Variants in DOCK11 observed in about 807,000 individuals in gnomAD.
DOCK11 encodes the protein dedicator of cytokinesis protein 11.
DOCK11 carries 70 observed loss-of-function variants against 169.1 expected under a neutral mutation model. The ratio of observed to expected loss-of-function variants is 0.41; its 90% confidence interval spans 0.34 to 0.51. The LOEUF is 0.51. DOCK11 is among the 20% of genes least tolerant of loss of function. DOCK11 has a pLI of 0.10. For synonymous variants in DOCK11, 529 were observed against 541.3 expected, an observed-to-expected ratio of 0.98 and a Z score of 0.32; for missense variants, 1,166 against 1,538.8, an observed-to-expected ratio of 0.76 and a Z score of 4.05.
intron 44 of DOCK11, among the ~76,000 whole-genome samples, chrX:118,658,506 C>T (rs940491889): frequency 8.9e-6 from 1 of 111,844 alleles, no homozygotes; most frequent in African/African-American, 3.2e-5. Flanking sequence ...TTTCCAGATC[C>T]TTTTCTTCAC....
chrX:118,543,500 T>C lies in DOCK11; in HGVS notation c.310-11T>C, dbSNP rs375269467. On this transcript the variant is annotated splice_polypyrimidine_tract_variant and intron_variant, in intron 3 of 52. Coordinates refer to ENST00000276202, the MANE Select transcript of DOCK11 (RefSeq NM_144658.4). ...CTATATTTCAAATTCAAGATTCCTA[T>C]TTTCTTTCAGTGTATTAAAACCTAT... is the stretch of plus-strand genomic sequence containing the variant. The C allele has an allele frequency of 1.5e-4, 171 of 1,176,077 alleles. No homozygotes were observed. The highest frequency in any genetic ancestry group is 1.3e-4 in the South Asian group (7 of 55,742).
intron 48 of DOCK11, among the ~76,000 whole-genome samples, 177 bp from the exon 49 acceptor site, chrX:118,680,301 GAAGT>G (rs2016712265): frequency 9.0e-6 from 1 of 110,904 alleles, no homozygotes; most frequent in Non-Finnish European, 1.9e-5. Flanking sequence ...TTTATAATCA[GAAGT>G]AAGTGATTTT....
chrX:118,540,402 G>C (rs1458618091), intron 1 of DOCK11, among the ~76,000 whole-genome samples: 1 of 111,498 alleles, frequency 9.0e-6, no homozygotes, highest in African/African-American at 3.3e-5. Context: ...TGGAAACACG[G>C]TAGATATGGC....
intron 16 of DOCK11, among the ~76,000 whole-genome samples, chrX:118,587,758 G>A (rs973162598): frequency 7.1e-5 from 8 of 112,077 alleles, no homozygotes; most frequent in Non-Finnish European, 1.3e-4. Flanking sequence ...TAAATTTACC[G>A]TTATTTCCCT....
At chrX:118,564,376 G>A (rs1030548346) in intron 7 of DOCK11, among the ~76,000 whole-genome samples, 6 of 112,664 alleles carry the variant, frequency 5.3e-5, no homozygotes, top group Non-Finnish European at 1.1e-4. Flanking sequence ...ACCATGCAGT[G>A]GAAAATTATT....
chrX:118,505,704 T>C (rs775535655), intron 1 of DOCK11, among the ~76,000 whole-genome samples: 1 of 112,007 alleles, frequency 8.9e-6, no homozygotes, highest in African/African-American at 3.2e-5. Context: ...GGGTTCTGGG[T>C]TTTTGGCATT....
chrX:118,541,159 G>A (rs1339355790), intron 1 of DOCK11, among the ~76,000 whole-genome samples: 1 of 111,641 alleles, frequency 9.0e-6, no homozygotes, highest in Non-Finnish European at 1.9e-5. Context: ...GTTCAATGAA[G>A]GAAAAAAAAT....
chrX:118,643,321 C>T, intron 39 of DOCK11, 136 bp from the exon 40 acceptor site: 1 of 629,454 alleles, frequency 1.6e-6, no homozygotes, highest in South Asian at 3.3e-5. Flanking sequence ...AAAGATGGCA[C>T]AAATATTTTG....
At chrX:118,523,627 A>C (rs775800408) in intron 1 of DOCK11, among the ~76,000 whole-genome samples, 10 of 112,278 alleles carry the variant, frequency 8.9e-5, no homozygotes, top group African/African-American at 3.2e-4. Flanking sequence ...GATAGTCCTG[A>C]AATTTGGACT....
chrX:118,514,672 C>T (rs1212264145), intron 1 of DOCK11, among the ~76,000 whole-genome samples: 2 of 112,076 alleles, frequency 1.8e-5, no homozygotes, highest in East Asian at 2.8e-4. Flanking sequence ...TGAACCATCA[C>T]ACTTTTTCAA....
intron 1 of DOCK11, among the ~76,000 whole-genome samples, chrX:118,509,964 A>G (rs2057639381): frequency 9.0e-6 from 1 of 111,330 alleles, no homozygotes; most frequent in African/African-American, 3.3e-5. Context: ...CTGTCATTAT[A>G]TCTCCTTCTC....
At chrX:118,588,056 A>T (rs903878066) in intron 16 of DOCK11, 81 bp from the exon 17 acceptor site, 10 of 843,121 alleles carry the variant, frequency 1.2e-5, no homozygotes, top group Non-Finnish European at 1.6e-5. Flanking sequence ...AATGCAATTC[A>T]TGTATATTTT....
At chrX:118,512,139 C>G (rs1430780688) in intron 1 of DOCK11, among the ~76,000 whole-genome samples, 1 of 111,788 alleles carries the variant, frequency 8.9e-6, no homozygotes, top group Admixed American at 9.5e-5. Context: ...TGAGCTCAGA[C>G]AATCTGCCTG....
At chrX:118,503,202 GAT>G (rs2057588329) in intron 1 of DOCK11, among the ~76,000 whole-genome samples, 2 of 108,272 alleles carry the variant, frequency 1.8e-5, no homozygotes, top group African/African-American at 6.8e-5. Context: ...TGGGATTACA[GAT>G]GCGTGCCACC....
At chrX:118,606,328 C>T (rs1255168272) in intron 24 of DOCK11, among the ~76,000 whole-genome samples, 1 of 111,589 alleles carries the variant, frequency 9.0e-6, no homozygotes, top group Non-Finnish European at 1.9e-5. Flanking sequence ...CTCGGCCTCC[C>T]AGTGCTGGGA....
intron 41 of DOCK11, among the ~76,000 whole-genome samples, chrX:118,651,459 A>G (rs1379388180): frequency 9.0e-6 from 1 of 111,451 alleles, no homozygotes; most frequent in African/African-American, 3.3e-5. Flanking sequence ...AAGAAGTACC[A>G]TCAAAGTCCA....
At position 118,566,177 on chromosome X, in the gene DOCK11, C is replaced by T. The variant is rs746430371; in HGVS notation, c.866C>T (p.Ala289Val). 9 of 1,191,343 alleles carry T rather than the reference C, an allele frequency of 7.6e-6. No homozygotes were observed. In the East Asian group the frequency reaches 2.4e-4, roughly 31 times the overall value. ...GAAAAAAAGGAGACGGTAGAAACAG[C>T]ACAAGGTCAGAATTTTAAAGTGATT... is the stretch of plus-strand genomic sequence containing the variant. ...VQEKKETVETAQDDETSSQGK... is the reference protein window; with the variant it reads ...VQEKKETVETVQDDETSSQGK... The change falls in exon 8 of 53, where the codon GCA becomes GTA. Residue 289 changes from alanine to valine, a missense_variant. Physicochemically the swap from Ala to Val is moderately conservative, Grantham distance 64 (BLOSUM62 0). Coordinates refer to ENST00000276202, the MANE Select transcript of DOCK11 (RefSeq NM_144658.4).
intron 23 of DOCK11, 148 bp downstream of exon 23, chrX:118,599,376 C>T: frequency 2.2e-6 from 1 of 453,190 alleles, no homozygotes; most frequent in South Asian, 3.6e-5. Flanking sequence ...TGTATTTTTC[C>T]ATCATGTGGC....
At position 118,617,756 on chromosome X, in the gene DOCK11, G is replaced by A. The variant is rs144495609; in HGVS notation, c.3293-794G>A. ...GAATTAGTTGGGCATGGTGGTGCAC[G>A]TCTATAGTCATAGCTACTTCAGAGG... On this transcript the variant is annotated intron_variant, in intron 30 of 52. Coordinates refer to ENST00000276202, the MANE Select transcript of DOCK11 (RefSeq NM_144658.4). Among the ~76,000 whole-genome samples, 10 of 110,224 alleles carry A rather than the reference G, an allele frequency of 9.1e-5. No homozygotes were observed. The East Asian group carries it at 2.3e-3, about 25-fold the overall frequency.
Sources: allele counts gnomAD v4.1 joint callset (sites outside exome capture counted in the v4.1 genomes callset), GRCh38; gene constraint gnomAD v4.1.1; transcripts MANE v1.5; gene names NCBI Gene and HGNC (gene_info 2026-07-23, HGNC 2026-07-21).